CMAS: variants seen among roughly 807,000 people sequenced by gnomAD.
The protein encoded by CMAS is cytidine monophosphate N-acetylneuraminic acid synthetase.
A neutral mutation model predicts 53.4 loss-of-function variants in CMAS; 21 were observed. The ratio of observed to expected loss-of-function variants is 0.39; its 90% confidence interval spans 0.28 to 0.57. CMAS has a LOEUF of 0.57. Among genes scored for constraint, CMAS ranks in the 20% least tolerant of loss-of-function variants. CMAS has a pLI of 0.56. For missense variants in CMAS, 384 were observed against 534.9 expected, an observed-to-expected ratio of 0.72 and a Z score of 2.78; for synonymous variants, 189 against 195.2, an observed-to-expected ratio of 0.97 and a Z score of 0.27.
At chr12:22,057,274 C>CAG (rs1204516792) in intron 3 of CMAS, among the ~76,000 whole-genome samples, 5 of 147,452 alleles carry the variant, frequency 3.4e-5, no homozygotes, top group Non-Finnish European at 1.5e-5. Context: ...CACACACACA[C>CAG]AGATTTGAGG....
At chr12:22,059,466 A>G (rs745455704) in intron 4 of CMAS, among the ~76,000 whole-genome samples, 1 of 152,162 alleles carries the variant, frequency 6.6e-6, no homozygotes, top group African/African-American at 2.4e-5. Context: ...TCACTGAAAT[A>G]TGAAGTAATT....
chr12:22,055,324 T>G, intron 2 of CMAS, 33 bp downstream of exon 2: 7 of 1,522,648 alleles, frequency 4.6e-6, no homozygotes, highest in Non-Finnish European at 6.3e-6. Context: ...ATTCAAACCT[T>G]TATGTACTTT....
At position 22,065,633 on chromosome 12, in the gene CMAS, C is replaced by A. The variant is rs7606; in HGVS notation, c.*322C>A. 30,601 of 179,676 alleles carry A rather than the reference C, an allele frequency of 0.17. 3,285 individuals are homozygous for A. Among genetic ancestry groups the A allele is most frequent in the Middle Eastern group, 0.33 (144 of 434 alleles). 11.1% of individuals were successfully genotyped at this position (179,676 alleles called of 1,614,324 possible). A position where few individuals can be genotyped will look rare whatever the true frequency, so the allele number is the denominator to read the frequency against. On this transcript the variant is annotated 3_prime_UTR_variant, in exon 8 of 8. Transcript: ENST00000229329. The stretch of plus-strand genomic sequence containing the variant: ...GGGACAGTGTGTATGGTAAGACATG[C>A]CCTTCTATTAATAAAACTACATTTC...
In CMAS at chr12:22,065,469, A is replaced by G; in HGVS notation, c.*158A>G. ...TCTACTTTTCTCTTTACGCAAGATA[A>G]TTATTTAGAGACTGATTACAGTCTT... On this transcript the variant is annotated 3_prime_UTR_variant, in exon 8 of 8. Transcript: ENST00000229329. 1 of 579,668 alleles carries G rather than the reference A, an allele frequency of 1.7e-6. No individual in the cohort carries two copies. Among genetic ancestry groups the G allele is most frequent in the Non-Finnish European group, 3.0e-6 (1 of 334,206 alleles). 35.9% of individuals were successfully genotyped at this position (579,668 alleles called of 1,614,324 possible).
chr12:22,052,285 C>G, intron 1 of CMAS, among the ~76,000 whole-genome samples: 1 of 152,146 alleles, frequency 6.6e-6, no homozygotes, highest in East Asian at 1.9e-4. Context: ...AAACTATGCT[C>G]TATATGTTAT....
At chr12:22,062,179 A>G in intron 6 of CMAS, 102 bp from the exon 7 acceptor site, 1 of 1,034,362 alleles carries the variant, frequency 9.7e-7, no homozygotes, top group South Asian at 2.0e-5. Context: ...CTCGTTTGTG[A>G]TTTGGACTGT....
intron 7 of CMAS, 110 bp downstream of exon 7, chr12:22,062,544 A>G (rs867818197): frequency 1.8e-6 from 2 of 1,114,282 alleles, no homozygotes; most frequent in Middle Eastern, 4.1e-4. Flanking sequence ...TTGTAGGGAA[A>G]TAGGAACTCT....
intron 3 of CMAS, among the ~76,000 whole-genome samples, chr12:22,057,338 T>C (rs899503675): frequency 7.2e-5 from 11 of 152,072 alleles, no homozygotes; most frequent in African/African-American, 2.7e-4. Flanking sequence ...AAAGTCTTCA[T>C]TGATTACATT....
intron 7 of CMAS, 88 bp from the exon 8 acceptor site, chr12:22,065,033 A>T: frequency 9.4e-7 from 1 of 1,060,304 alleles, no homozygotes; most frequent in Non-Finnish European, 1.4e-6. Context: ...AAGTTGCCAG[A>T]GTTACCTGTT....
chr12:22,062,633 A>G (rs1437037658), intron 7 of CMAS, among the ~76,000 whole-genome samples, 199 bp downstream of exon 7: 1 of 152,228 alleles, frequency 6.6e-6, no homozygotes, highest in Admixed American at 6.5e-5. Flanking sequence ...TATCAAATGT[A>G]GAATGATTAT....
chr12:22,055,104 G>T, intron 1 of CMAS, 45 bp from the exon 2 acceptor site: 3 of 1,481,230 alleles, frequency 2.0e-6, no homozygotes, highest in South Asian at 1.3e-5. Context: ...TATTGTTAAT[G>T]ATTTCTTTTG....
chr12:22,052,325 G>A (rs552397395), intron 1 of CMAS, among the ~76,000 whole-genome samples: 32 of 152,144 alleles, frequency 2.1e-4, no homozygotes, highest in African/African-American at 7.7e-4. Context: ...ATCGTGCCTG[G>A]GACAGAATAA....
At chr12:22,048,777 G>A (rs1191891265) in intron 1 of CMAS, among the ~76,000 whole-genome samples, 1 of 152,168 alleles carries the variant, frequency 6.6e-6, no homozygotes, top group African/African-American at 2.4e-5. Context: ...AAAGGGCAAA[G>A]TTCAGTGGAC....
intron 7 of CMAS, among the ~76,000 whole-genome samples, chr12:22,064,315 C>T (rs556484775): frequency 3.3e-4 from 50 of 152,036 alleles, no homozygotes; most frequent in African/African-American, 1.1e-3. Context: ...AAAAGGATAT[C>T]GTTATGTCAG....
chr12:22,061,119 T>C (rs546064719), intron 5 of CMAS, among the ~76,000 whole-genome samples, 162 bp from the exon 6 acceptor site: 1 of 152,332 alleles, frequency 6.6e-6, no homozygotes, highest in South Asian at 2.1e-4. Flanking sequence ...ACACTACTTT[T>C]ACTTACTGTA....
chr12:22,062,533 A>C, intron 7 of CMAS, 99 bp downstream of exon 7: 1 of 1,208,602 alleles, frequency 8.3e-7, no homozygotes, highest in South Asian at 1.3e-5. Context: ...AATGGGTATG[A>C]TTGTAGGGAA....
rs1013471228 is a variant in CMAS, at chr12:22,053,461, A to G, written c.261-1688A>G. Among the ~76,000 whole-genome samples, 6 of 150,366 alleles carry G rather than the reference A, an allele frequency of 4.0e-5. No homozygotes were observed. The Admixed American group carries it at 4.0e-4, about 10-fold the overall frequency. ...TTATATATAATTTTGTATGTATATA[A>G]AATAATGTGTATATATGTTTGTGTG... On this transcript the variant is annotated intron_variant, in intron 1 of 7. Coordinates refer to ENST00000229329, the MANE Select transcript of CMAS (RefSeq NM_018686.6).
intron 3 of CMAS, among the ~76,000 whole-genome samples, chr12:22,056,350 G>A (rs750108262): frequency 6.6e-6 from 1 of 151,960 alleles, no homozygotes; most frequent in Non-Finnish European, 1.5e-5. Context: ...TCTTCATTTG[G>A]CTCATGTTTA....
chr12:22,050,495 A>C (rs1031422273), intron 1 of CMAS, among the ~76,000 whole-genome samples: 13 of 152,222 alleles, frequency 8.5e-5, no homozygotes, highest in African/African-American at 3.1e-4. Flanking sequence ...CATTGCTTGT[A>C]AAACGGGAAA....
Sources: gnomAD v4.1 joint callset for allele counts (sites outside exome capture counted in the v4.1 genomes callset) on GRCh38, gnomAD v4.1.1 for gene constraint, MANE v1.5 for transcripts, NCBI Gene and HGNC (gene_info 2026-07-23, HGNC 2026-07-21) for gene names.